The following GAN variants were observed in gnomAD, a reference collection of about 807,000 sequenced individuals.
GAN encodes gigaxonin.
A neutral mutation model predicts 71.3 loss-of-function variants in GAN; 48 were observed. The ratio of observed to expected loss-of-function variants is 0.67; its 90% CI spans 0.53 to 0.86. The LOEUF (loss-of-function observed/expected upper bound fraction) is 0.86, where lower values mean the gene tolerates loss of function less well. Among genes scored for constraint, GAN ranks in the 40% least tolerant of loss-of-function variants. GAN has a pLI of 0.00. For missense variants in GAN, 928 were observed against 770.1 expected (o/e 1.21, Z -2.43); for synonymous variants, 386 against 276.8 (o/e 1.39, Z -3.92).
rs1904457579 is a variant in GAN at position 81,388,131 on chromosome 16, T to C, written c.*10535T>C. 1 of 152,272 alleles carries C rather than the reference T, an allele frequency of 6.6e-6. No individual in the cohort carries two copies. Among genetic ancestry groups the C allele is most frequent in the Non-Finnish European group, 1.5e-5 (1 of 68,070 alleles). 9.4% of individuals were successfully genotyped at this position (152,272 alleles called of 1,614,324 possible). ...AGGTGGAGGAAGGGTATTTTGGCCA[T>C]GTTCGGAGTCGTTGTTTTTACTCAC... On this transcript the variant is annotated 3_prime_UTR_variant, in exon 11 of 11. Coordinates refer to ENST00000648994, the MANE Select transcript of GAN (RefSeq NM_022041.4).
rs915916560 is a variant in GAN at position 81,387,928 on chromosome 16, C to T, written c.*10332C>T. The T allele has an allele frequency of 7.2e-5, 11 of 152,234 alleles. No individual in the cohort carries two copies. Among genetic ancestry groups the T allele is most frequent in the Non-Finnish European group, 1.5e-4 (10 of 68,062 alleles). 9.4% of individuals were successfully genotyped at this position (152,234 alleles called of 1,614,324 possible). A position where few individuals can be genotyped will look rare whatever the true frequency, so the allele number is the denominator to read the frequency against. ...TGCACACCATGTCTTCAGAGCTAGC[C>T]GGCTGTGTCTTCTCCCCGTTTCTTT... is the stretch of plus-strand genomic sequence containing the variant. On this transcript the variant is annotated 3_prime_UTR_variant, in exon 11 of 11. Transcript: ENST00000648994.
chr16:81,337,690 C>G (rs1909809188), intron 1 of GAN, among the ~76,000 whole-genome samples: 1 of 152,186 alleles, frequency 6.6e-6, no homozygotes. Flanking sequence ...ATACCATCTT[C>G]TTTATTAGCT....
rs899127418 is a variant in GAN at position 81,354,642 on chromosome 16, A to T, written c.520A>T (p.Ser174Cys). ...CAGCACGGAAGAATTCTTAGAGCTG[A>T]GTCCTCAAAAGCTTAAAGAAGTGAT... ...VSSTEEFLEL[S>C]PQKLKEVISL... Residue 174 changes from serine to cysteine, a missense_variant, in exon 3 of 11, where the codon AGT (serine) becomes TGT (cysteine). By Grantham distance (112) the Ser-to-Cys change is moderately radical (BLOSUM62 -1). Transcript: ENST00000648994. 6.2e-7 allele frequency: 1 copy of T among 1,613,368 alleles called. No individual in the cohort carries two copies. The highest frequency in any genetic ancestry group is 8.5e-7 in the Non-Finnish European group (1 of 1,179,230).
chr16:81,354,805 A>G, intron 3 of GAN, 50 bp downstream of exon 3: 1 of 1,069,630 alleles, frequency 9.3e-7, no homozygotes, highest in Non-Finnish European at 1.4e-6. Context: ...TTTCTTTTTA[A>G]TTCAAATTTT....
intron 1 of GAN, among the ~76,000 whole-genome samples, chr16:81,333,150 G>A (rs1489261644): frequency 6.6e-6 from 1 of 151,438 alleles, no homozygotes; most frequent in Non-Finnish European, 1.5e-5. Flanking sequence ...GCTGAGGCAG[G>A]AGAATCGCTT....
Position 81,320,825 on chromosome 16 carries a change from A to G in GAN, c.167+5545A>G, listed in dbSNP as rs150199306. ...TAGACTTTGTTTTTATCTACTTACT[A>G]TAAGGCGTTCCTAACAACTGCTCAG... On this transcript the variant is annotated intron_variant, in intron 1 of 10. Transcript: ENST00000648994. Among the ~76,000 whole-genome samples, 824 of 152,290 alleles carry G rather than the reference A, an allele frequency of 5.4e-3. 9 individuals carry two copies. The highest frequency in any genetic ancestry group is 0.019 in the African/African-American group (777 of 41,566).
chr16:81,339,120 A>T (rs6564869), intron 1 of GAN, among the ~76,000 whole-genome samples: 2 of 152,108 alleles, frequency 1.3e-5, no homozygotes, highest in East Asian at 3.9e-4. Context: ...AGATAATTGA[A>T]GAAGCACCTA....
chr16:81,374,414 C>T (rs368145366), intron 9 of GAN, among the ~76,000 whole-genome samples: 4 of 152,192 alleles, frequency 2.6e-5, no homozygotes, highest in South Asian at 2.1e-4. Context: ...TTTGAGCATC[C>T]ACTGGTAGAC....
At chr16:81,348,143 G>C (rs11861072) in intron 1 of GAN, among the ~76,000 whole-genome samples, 3,201 of 152,232 alleles carry the variant, frequency 0.021, 56 homozygotes, top group East Asian at 0.081. Flanking sequence ...TCAGCCATCT[G>C]TCATATTTTC....
At chr16:81,359,746 T>A (rs959297249) in intron 5 of GAN, among the ~76,000 whole-genome samples, 4 of 152,180 alleles carry the variant, frequency 2.6e-5, no homozygotes, top group African/African-American at 7.2e-5. Context: ...CTGAACCCTG[T>A]ACATACTGTG....
At chr16:81,328,037 G>A (rs1184154801) in intron 1 of GAN, among the ~76,000 whole-genome samples, 1 of 152,264 alleles carries the variant, frequency 6.6e-6, no homozygotes, top group East Asian at 1.9e-4. Flanking sequence ...CAGTTGCTGC[G>A]TCATCGTTTT....
chr16:81,359,821 A>G (rs1037133805), intron 5 of GAN, among the ~76,000 whole-genome samples: 7 of 152,188 alleles, frequency 4.6e-5, no homozygotes, highest in African/African-American at 7.2e-5. Flanking sequence ...GATTAACGAC[A>G]ATAACTGATA....
intron 1 of GAN, among the ~76,000 whole-genome samples, chr16:81,326,176 G>A (rs1439639967): frequency 3.9e-5 from 6 of 152,066 alleles, no homozygotes; most frequent in African/African-American, 1.2e-4. Flanking sequence ...CATCTTTTTT[G>A]TCCAGGGCCA....
At chr16:81,360,541 ACT>A (rs1198183677) in intron 5 of GAN, among the ~76,000 whole-genome samples, 5 of 144,900 alleles carry the variant, frequency 3.5e-5, no homozygotes, top group Non-Finnish European at 6.1e-5. Context: ...TTTCTCCTTA[ACT>A]CTGATTAATC....
intron 1 of GAN, among the ~76,000 whole-genome samples, chr16:81,317,020 G>A (rs1339871868): frequency 2.6e-5 from 4 of 152,116 alleles, no homozygotes. Flanking sequence ...CACCACGCCC[G>A]GATAATTTTT....
At chr16:81,335,694 C>T (rs536269260) in intron 1 of GAN, among the ~76,000 whole-genome samples, 1 of 140,554 alleles carries the variant, frequency 7.1e-6, no homozygotes, top group African/African-American at 2.7e-5. Context: ...TTGCAGTGAG[C>T]CAAGATCACG....
At chr16:81,338,888 G>A (rs1387937259) in intron 1 of GAN, among the ~76,000 whole-genome samples, 1 of 152,196 alleles carries the variant, frequency 6.6e-6, no homozygotes, top group African/African-American at 2.4e-5. Flanking sequence ...TTGGCAGACA[G>A]GTAGATGATC....
At chr16:81,373,188 T>C (rs1040760269) in intron 9 of GAN, among the ~76,000 whole-genome samples, 1 of 152,226 alleles carries the variant, frequency 6.6e-6, no homozygotes, top group Admixed American at 6.5e-5. Context: ...GACATTGAGA[T>C]GCCCTGGCTG....
At chr16:81,328,704 A>T (rs1240807639) in intron 1 of GAN, among the ~76,000 whole-genome samples, 1 of 145,136 alleles carries the variant, frequency 6.9e-6, no homozygotes, top group East Asian at 2.0e-4. Context: ...CCATTCCTTC[A>T]TCACTTTTGG....
Sources: allele counts gnomAD v4.1 joint callset (sites outside exome capture counted in the v4.1 genomes callset), GRCh38; gene constraint gnomAD v4.1.1; transcripts MANE v1.5; gene names NCBI Gene and HGNC (gene_info 2026-07-23, HGNC 2026-07-21).